CEP112: variants seen among roughly 807,000 people sequenced by gnomAD.
CEP112 encodes centrosomal protein 112.
A neutral mutation model predicts 153.0 loss-of-function variants in CEP112; 127 were observed. That is an observed-to-expected ratio of 0.83 (90% CI 0.72 to 0.96). The LOEUF is 0.96. Among genes scored for constraint, CEP112 ranks in the 40% least tolerant of loss-of-function variants. The pLI is 0.00. For missense variants in CEP112, 1,089 were observed against 1,101.2 expected, an observed-to-expected ratio of 0.99 and a Z score of 0.16; for synonymous variants, 358 against 374.4, an observed-to-expected ratio of 0.96 and a Z score of 0.51.
intron 21 of CEP112, among the ~76,000 whole-genome samples, chr17:65,796,949 G>C (rs760781737): frequency 2.0e-5 from 3 of 151,788 alleles, no homozygotes; most frequent in Non-Finnish European, 2.9e-5. Context: ...AGCTGCTTGG[G>C]AGCCTGAGGT....
chr17:65,828,530 A>C (rs1447673514), intron 21 of CEP112, among the ~76,000 whole-genome samples: 1 of 152,202 alleles, frequency 6.6e-6, no homozygotes, highest in Non-Finnish European at 1.5e-5. Flanking sequence ...AAAGAGAACC[A>C]TTTGATCCTA....
At chr17:65,978,704 G>A (rs8080256) in intron 17 of CEP112, among the ~76,000 whole-genome samples, 72,358 of 152,046 alleles carry the variant, frequency 0.48, 18,257 homozygotes, top group East Asian at 0.89. Flanking sequence ...TAAAACTCAA[G>A]AAGCTAAATA....
At chr17:66,176,613 A>C (rs1331340474) in intron 3 of CEP112, 1 of 371,836 alleles carries the variant, frequency 2.7e-6, no homozygotes, top group African/African-American at 2.1e-5. Context: ...ACTGTTGAAT[A>C]CTGAGGCATA....
At chr17:66,166,005 G>T (rs866594688) in intron 4 of CEP112, among the ~76,000 whole-genome samples, 2 of 152,166 alleles carry the variant, frequency 1.3e-5, no homozygotes, top group East Asian at 3.9e-4. Flanking sequence ...TTTAAAATAG[G>T]ATAATTATTC....
At chr17:66,116,810 C>G (rs1049699813) in intron 6 of CEP112, among the ~76,000 whole-genome samples, 1 of 150,836 alleles carries the variant, frequency 6.6e-6, no homozygotes, top group Admixed American at 6.6e-5. Context: ...CTTTTAGAAA[C>G]TGCCATACCA....
intron 21 of CEP112, among the ~76,000 whole-genome samples, chr17:65,851,491 A>G (rs1206465549): frequency 3.3e-5 from 5 of 152,208 alleles, no homozygotes; most frequent in Admixed American, 2.6e-4. Context: ...CAGCCCCAGT[A>G]TTTCTAATCA....
chr17:65,938,576 T>C (rs1373062981), intron 18 of CEP112, among the ~76,000 whole-genome samples: 1 of 152,164 alleles, frequency 6.6e-6, no homozygotes, highest in African/African-American at 2.4e-5. Flanking sequence ...TTCAACATAC[T>C]AGTAGAAGTC....
intron 6 of CEP112, among the ~76,000 whole-genome samples, chr17:66,100,261 G>T (rs547412558): frequency 1.3e-5 from 2 of 151,850 alleles, no homozygotes; most frequent in South Asian, 4.2e-4. Context: ...TTAGATGGGC[G>T]TGGTGGTGGC....
intron 24 of CEP112, among the ~76,000 whole-genome samples, chr17:65,686,461 A>T (rs1470975843): frequency 1.3e-5 from 2 of 152,232 alleles, no homozygotes; most frequent in African/African-American, 2.4e-5. Context: ...CCATGAATTA[A>T]ATTGATGTCA....
At chr17:65,994,431 A>G (rs192248103) in intron 17 of CEP112, among the ~76,000 whole-genome samples, 41 of 152,218 alleles carry the variant, frequency 2.7e-4, no homozygotes, top group Admixed American at 2.6e-3. Context: ...GAGCTCAAGC[A>G]ATTCTCCTGC....
intron 21 of CEP112, among the ~76,000 whole-genome samples, chr17:65,836,962 C>A (rs1460433555): frequency 6.6e-6 from 1 of 152,230 alleles, no homozygotes; most frequent in East Asian, 1.9e-4. Flanking sequence ...GCCGCCACGC[C>A]TGACTGGTTT....
At chr17:65,667,106 G>T (rs2046733006) in intron 24 of CEP112, among the ~76,000 whole-genome samples, 1 of 152,190 alleles carries the variant, frequency 6.6e-6, no homozygotes, top group South Asian at 2.1e-4. Context: ...CTGGGCTGTG[G>T]TGCTGGTGGG....
intron 1 of CEP112, among the ~76,000 whole-genome samples, chr17:66,190,383 A>T (rs889814398): frequency 5.3e-5 from 8 of 152,234 alleles, no homozygotes; most frequent in African/African-American, 1.7e-4. Context: ...ATTGTATCTA[A>T]GTTCCAACTT....
intron 21 of CEP112, among the ~76,000 whole-genome samples, chr17:65,779,646 C>A (rs1018873557): frequency 6.6e-6 from 1 of 152,134 alleles, no homozygotes; most frequent in South Asian, 2.1e-4. Context: ...AGTTTCAATT[C>A]GTTTCTAGAA....
chr17:65,645,436 C>T (rs1269697604), intron 24 of CEP112, among the ~76,000 whole-genome samples: 2 of 152,056 alleles, frequency 1.3e-5, no homozygotes, highest in Admixed American at 6.6e-5. Context: ...AGCCTAATTA[C>T]TATATTTCCT....
rs752684545 is a variant in CEP112, at chr17:65,678,665, C to T, written c.2697+10464G>A. Among the ~76,000 whole-genome samples the T allele has an allele frequency of 8.5e-5, 13 of 152,260 alleles. 1 individual carries two copies. Among genetic ancestry groups the T allele is most frequent in the Non-Finnish European group, 5.9e-5 (4 of 68,030 alleles). On this transcript the variant is annotated intron_variant, in intron 24 of 26. Transcript: ENST00000535342. Reference sequence around the variant, plus strand: ...CTCCTGCGGCCCTCCCCGTGGTCTTCGTCATCCGTCAGTATTCATTGCAGG... The same window carrying T: ...CTCCTGCGGCCCTCCCCGTGGTCTTTGTCATCCGTCAGTATTCATTGCAGG...
rs1268915954 is a variant in CEP112, at chr17:66,161,003, AC to A, written c.470+14040del. Among the ~76,000 whole-genome samples, 3 of 151,052 alleles carry A rather than the reference AC, an allele frequency of 2.0e-5. No homozygotes were observed. In the Middle Eastern group the frequency reaches 0.01, roughly 514 times the overall value. ...TAAAGAAATTTACAAGAAAAAAAAA[AC>A]ATCAAAAAGTGGGCAAAGGATATGA... On this transcript the variant is annotated intron_variant, in intron 4 of 26. Coordinates refer to ENST00000535342, the MANE Select transcript of CEP112 (RefSeq NM_001199165.4).
At chr17:65,660,451 CTT>C (rs1292962012) in intron 24 of CEP112, among the ~76,000 whole-genome samples, 2 of 82,934 alleles carry the variant, frequency 2.4e-5, no homozygotes, top group African/African-American at 5.1e-5. Flanking sequence ...CTCTCTCTCT[CTT>C]CTCTCTCTCC....
chr17:65,851,761 A>G (rs765645780), intron 21 of CEP112, 43 bp downstream of exon 21: 6 of 1,419,322 alleles, frequency 4.2e-6, no homozygotes, highest in Non-Finnish European at 5.9e-6. Flanking sequence ...GATTTTAAAC[A>G]TGGATTTCAA....
Sources: gnomAD v4.1 joint callset for allele counts (sites outside exome capture counted in the v4.1 genomes callset) on GRCh38, gnomAD v4.1.1 for gene constraint, MANE v1.5 for transcripts, NCBI Gene and HGNC (gene_info 2026-07-23, HGNC 2026-07-21) for gene names.